The following AMBP variants were observed in gnomAD, a reference collection of about 807,000 sequenced individuals.
AMBP encodes the protein alpha-1-microglobulin/bikunin precursor, also known as protein AMBP.
In AMBP, 37 loss-of-function variants were observed where a neutral mutation model predicts 46.3. That is an observed-to-expected ratio of 0.80 (90% CI 0.61 to 1.05). AMBP has a LOEUF of 1.05. Among genes scored for constraint, AMBP ranks in the 50% least tolerant of loss-of-function variants. The probability of loss-of-function intolerance (pLI) is 0.00; values close to 1 mark genes in which losing one functional copy is unlikely to be tolerated. For synonymous variants in AMBP, 174 were observed against 175.9 expected (o/e 0.99, Z 0.09); for missense variants, 475 against 461.2 (o/e 1.03, Z -0.27).
At chr9:114,060,605 T>C (rs968104741) in intron 9 of AMBP, among the ~76,000 whole-genome samples, 1 of 152,106 alleles carries the variant, frequency 6.6e-6, no homozygotes, top group African/African-American at 2.4e-5. Context: ...AGGCAGGTGC[T>C]TTGTCCCATT....
chr9:114,065,721 G>A (rs923812019), intron 6 of AMBP, among the ~76,000 whole-genome samples: 12 of 151,930 alleles, frequency 7.9e-5, no homozygotes, highest in African/African-American at 2.9e-4. Context: ...AAGTAGGATG[G>A]GGCTAGGGGG....
intron 8 of AMBP, 160 bp downstream of exon 8, chr9:114,061,264 C>T (rs749521947): frequency 1.4e-6 from 2 of 1,407,886 alleles, no homozygotes; most frequent in Non-Finnish European, 1.9e-6. Flanking sequence ...GCCCGAGGTC[C>T]TCCACATCCA....
intron 3 of AMBP, among the ~76,000 whole-genome samples, chr9:114,074,568 T>C (rs1181349707): frequency 6.6e-6 from 1 of 152,258 alleles, no homozygotes; most frequent in East Asian, 1.9e-4. Context: ...GTTTGGCACA[T>C]AGAGCATATT....
In AMBP at chr9:114,078,298, A is replaced by T; in HGVS notation, c.-89T>A. ...CCTCCCTGCAACAGGGCAGCTGTGA[A>T]CTGAGGCTGGGGAAGGGGCCTGTGG... On this transcript the variant is annotated 5_prime_UTR_variant, in exon 1 of 10. Transcript: ENST00000265132. The T allele has an allele frequency of 3.1e-6, 4 of 1,311,190 alleles. No individual in the cohort carries two copies. The South Asian group carries it at 4.9e-5, about 16-fold the overall frequency. 81.2% of individuals were successfully genotyped at this position (1,311,190 alleles called of 1,614,324 possible). A position where few individuals can be genotyped will look rare whatever the true frequency, so the allele number is the denominator to read the frequency against.
chr9:114,066,510 A>G (rs534339911), intron 6 of AMBP, among the ~76,000 whole-genome samples: 1 of 152,144 alleles, frequency 6.6e-6, no homozygotes, highest in African/African-American at 2.4e-5. Context: ...GATTATACGC[A>G]TGAGCAAAAA....
At chr9:114,067,556 C>G (rs190548720) in intron 6 of AMBP, among the ~76,000 whole-genome samples, 1 of 152,082 alleles carries the variant, frequency 6.6e-6, no homozygotes, top group East Asian at 1.9e-4. Flanking sequence ...GCACCCAACC[C>G]CCAATAAATT....
At chr9:114,062,452 A>G (rs955401297) in intron 7 of AMBP, among the ~76,000 whole-genome samples, 1 of 152,186 alleles carries the variant, frequency 6.6e-6, no homozygotes, top group Non-Finnish European at 1.5e-5. Flanking sequence ...GCTTCTCATC[A>G]TGGAGTTGAC....
Position 114,065,828 on chromosome 9 carries a change from C to T in AMBP, c.604-3070G>A, listed in dbSNP as rs139410696. On this transcript the variant is annotated intron_variant, in intron 6 of 9. Coordinates refer to ENST00000265132, the MANE Select transcript of AMBP (RefSeq NM_001633.4). ...AAACAGAAAGTCTGGATAAAGCTGA[C>T]GAAGAAGAAGCAAGATGAAGATAAA... Among the ~76,000 whole-genome samples, 52 of 152,154 alleles carry T rather than the reference C, an allele frequency of 3.4e-4. 2 individuals carry two copies. In the East Asian group the frequency reaches 5.2e-3, roughly 15 times the overall value.
chr9:114,074,442 C>T (rs1184726777), intron 3 of AMBP, among the ~76,000 whole-genome samples: 1 of 152,170 alleles, frequency 6.6e-6, no homozygotes, highest in Non-Finnish European at 1.5e-5. Flanking sequence ...ATCAATTTAC[C>T]TATTAGGTAA....
At chr9:114,066,436 C>T (rs569555690) in intron 6 of AMBP, among the ~76,000 whole-genome samples, 1 of 129,074 alleles carries the variant, frequency 7.7e-6, no homozygotes, top group East Asian at 2.4e-4. Flanking sequence ...TGCTATGTTG[C>T]CCAGGCTGGT....
At chr9:114,067,509 C>A (rs1296131239) in intron 6 of AMBP, among the ~76,000 whole-genome samples, 1 of 152,090 alleles carries the variant, frequency 6.6e-6, no homozygotes, top group Non-Finnish European at 1.5e-5. Flanking sequence ...TTCTGCCTCA[C>A]CTTCCCAAAG....
intron 6 of AMBP, among the ~76,000 whole-genome samples, chr9:114,063,759 A>G (rs903964495): frequency 1.3e-5 from 2 of 152,254 alleles, no homozygotes; most frequent in Admixed American, 1.3e-4. Flanking sequence ...AGTGATGGAA[A>G]TGAATATGTG....
chr9:114,077,953 A>G, intron 1 of AMBP, 140 bp downstream of exon 1: 2 of 830,414 alleles, frequency 2.4e-6, no homozygotes, highest in Non-Finnish European at 4.0e-6. Context: ...ATAGAGCTGT[A>G]CCTTCAAAGG....
chr9:114,060,799 A>C, intron 9 of AMBP, 126 bp downstream of exon 9: 1 of 1,129,956 alleles, frequency 8.8e-7, no homozygotes, highest in Non-Finnish European at 1.3e-6. Flanking sequence ...TTCAGAGAGT[A>C]GATGGGCTGC....
chr9:114,074,180 G>C (rs571304489), intron 3 of AMBP, 28 bp from the exon 4 acceptor site: 20 of 1,582,334 alleles, frequency 1.3e-5, no homozygotes, highest in Non-Finnish European at 1.6e-5. Context: ...GCAGACCAAA[G>C]GGATCAGTGG....
At chr9:114,074,329 T>C (rs1369186536) in intron 3 of AMBP, among the ~76,000 whole-genome samples, 177 bp from the exon 4 acceptor site, 1 of 152,168 alleles carries the variant, frequency 6.6e-6, no homozygotes, top group African/African-American at 2.4e-5. Context: ...TCCACCCATC[T>C]ATCTCCTCCA....
rs764760023 is a variant in AMBP at position 114,076,628 on chromosome 9, G to A, written c.230C>T (p.Ala77Val). ...ACGAGTGCTGGTCATGCTGATCTCC[G>A]CCTCTGTAGCGCCCTCTCCCAGCAC... ...TLVLGEGATE[A>V]EISMTSTRWR... Residue 77 changes from alanine to valine, a missense_variant, in exon 2 of 10, where the codon GCG becomes GTG. Physicochemically the swap from Ala to Val is moderately conservative, Grantham distance 64. Coordinates refer to ENST00000265132, the MANE Select transcript of AMBP (RefSeq NM_001633.4). 9.9e-6 allele frequency: 16 copies of A among 1,613,766 alleles called. No individual in the cohort carries two copies. The highest frequency in any genetic ancestry group is 9.3e-5 in the African/African-American group (7 of 74,874).
At chr9:114,069,220 A>G (rs375283574) in intron 6 of AMBP, among the ~76,000 whole-genome samples, 19 of 152,284 alleles carry the variant, frequency 1.2e-4, no homozygotes, top group African/African-American at 4.1e-4. Flanking sequence ...GAAGCATAGG[A>G]AAGCCCCAAA....
intron 8 of AMBP, 49 bp downstream of exon 8, chr9:114,061,375 A>G (rs1265278315): frequency 6.2e-7 from 1 of 1,610,660 alleles, no homozygotes; most frequent in Non-Finnish European, 8.5e-7. Flanking sequence ...TACTGGAGGG[A>G]CAGGGTCTTG....
Sources: gnomAD v4.1 joint callset for allele counts (sites outside exome capture counted in the v4.1 genomes callset) on GRCh38, gnomAD v4.1.1 for gene constraint, MANE v1.5 for transcripts, NCBI Gene and HGNC (gene_info 2026-07-23, HGNC 2026-07-21) for gene names.